The following FNDC3B variants were observed in gnomAD, a reference collection of about 807,000 sequenced individuals.
The protein encoded by FNDC3B is fibronectin type III domain containing 3B, also known as fibronectin type III domain-containing protein 3B.
A neutral mutation model predicts 151.5 loss-of-function variants in FNDC3B; 12 were observed. The observed-to-expected ratio is 0.08, with a 90% CI of 0.05 to 0.13. The LOEUF is 0.13. FNDC3B is among the 10% of genes least tolerant of loss of function. The probability of loss-of-function intolerance (pLI) is 1.00; values close to 1 mark genes in which losing one functional copy is unlikely to be tolerated. For missense variants in FNDC3B, 1,214 were observed against 1,505.3 expected (o/e 0.81, Z 3.20); for synonymous variants, 528 against 549.0 (o/e 0.96, Z 0.54).
At chr3:172,070,243 G>A (rs574926907) in intron 1 of FNDC3B, among the ~76,000 whole-genome samples, 9 of 152,288 alleles carry the variant, frequency 5.9e-5, no homozygotes, top group Admixed American at 2.0e-4. Flanking sequence ...TCCTGTTACC[G>A]TAACTGCAAT....
chr3:172,257,413 G>A (rs764352017), intron 6 of FNDC3B, among the ~76,000 whole-genome samples: 7 of 152,098 alleles, frequency 4.6e-5, no homozygotes, highest in Non-Finnish European at 8.8e-5. Context: ...TCACTAAGCC[G>A]TGGTTTCCCT....
At chr3:172,362,940 C>A in intron 23 of FNDC3B, 95 bp downstream of exon 23, 1 of 948,908 alleles carries the variant, frequency 1.1e-6, no homozygotes. Flanking sequence ...GCACTAAGAC[C>A]CTCTTCCTTC....
chr3:172,396,198 A>AG (rs1736269544), intron 25 of FNDC3B, among the ~76,000 whole-genome samples: 1 of 152,244 alleles, frequency 6.6e-6, no homozygotes, highest in Non-Finnish European at 1.5e-5. Context: ...ATAAGGAACT[A>AG]CTACCGAATA....
At chr3:172,077,435 G>A (rs1425114404) in intron 1 of FNDC3B, among the ~76,000 whole-genome samples, 3 of 152,104 alleles carry the variant, frequency 2.0e-5, no homozygotes, top group East Asian at 1.9e-4. Context: ...TTGATCCAGC[G>A]GTGTGAAAAT....
At chr3:172,136,474 T>C (rs1363658855) in intron 3 of FNDC3B, among the ~76,000 whole-genome samples, 1 of 152,112 alleles carries the variant, frequency 6.6e-6, no homozygotes, top group Non-Finnish European at 1.5e-5. Flanking sequence ...GGCTTCCAGC[T>C]CCAGCTCCAG....
At chr3:172,144,729 AT>A (rs975079007) in intron 3 of FNDC3B, among the ~76,000 whole-genome samples, 1 of 150,742 alleles carries the variant, frequency 6.6e-6, no homozygotes, top group African/African-American at 2.4e-5. Flanking sequence ...TTAAGTGGGT[AT>A]TTTTTTCCTT....
intron 22 of FNDC3B, among the ~76,000 whole-genome samples, chr3:172,359,825 T>C (rs1036956106): frequency 9.9e-5 from 15 of 152,194 alleles, no homozygotes; most frequent in African/African-American, 3.4e-4. Flanking sequence ...CCCAGTGTAA[T>C]AGAATCTGGG....
At chr3:172,046,132 A>G (rs907318965) in intron 1 of FNDC3B, among the ~76,000 whole-genome samples, 8 of 152,116 alleles carry the variant, frequency 5.3e-5, no homozygotes, top group African/African-American at 1.7e-4. Context: ...ATCACATAAG[A>G]TCGATAGACA....
chr3:172,072,694 A>C (rs142977930), intron 1 of FNDC3B, among the ~76,000 whole-genome samples: 1 of 152,194 alleles, frequency 6.6e-6, no homozygotes, highest in African/African-American at 2.4e-5. Context: ...GCGTGATGAT[A>C]AGATAGTAAA....
At chr3:172,338,819 C>T (rs1414505015) in intron 16 of FNDC3B, among the ~76,000 whole-genome samples, 2 of 152,282 alleles carry the variant, frequency 1.3e-5, no homozygotes, top group African/African-American at 4.8e-5. Context: ...TCACTGCAAG[C>T]TCCGCCTCCT....
At chr3:172,193,946 C>T (rs1724691123) in intron 3 of FNDC3B, among the ~76,000 whole-genome samples, 1 of 152,066 alleles carries the variant, frequency 6.6e-6, no homozygotes, top group Admixed American at 6.5e-5. Flanking sequence ...GGTGGTCGGG[C>T]GTGGTGGCTC....
chr3:172,116,284 C>T (rs932225673), intron 2 of FNDC3B, among the ~76,000 whole-genome samples: 7 of 152,218 alleles, frequency 4.6e-5, no homozygotes, highest in Non-Finnish European at 5.9e-5. Context: ...ATTCACATGT[C>T]ATACCATTCA....
At chr3:172,126,032 C>T (rs1209374015) in intron 2 of FNDC3B, among the ~76,000 whole-genome samples, 1 of 152,088 alleles carries the variant, frequency 6.6e-6, no homozygotes, top group Non-Finnish European at 1.5e-5. Context: ...TGCAGAATAT[C>T]GTTTTGGAGG....
At chr3:172,185,682 G>A (rs1420309684) in intron 3 of FNDC3B, among the ~76,000 whole-genome samples, 2 of 152,130 alleles carry the variant, frequency 1.3e-5, no homozygotes, top group Admixed American at 1.3e-4. Flanking sequence ...TTTAGCGTAC[G>A]TTTATCATAG....
intron 1 of FNDC3B, among the ~76,000 whole-genome samples, chr3:172,074,363 AGAT>A: frequency 6.6e-6 from 1 of 152,370 alleles, no homozygotes; most frequent in Non-Finnish European, 1.5e-5. Flanking sequence ...GCCTGTACAC[AGAT>A]ACATAGAGCA....
chr3:172,396,999 A>G (rs1461507015), intron 25 of FNDC3B, among the ~76,000 whole-genome samples, 165 bp from the exon 26 acceptor site: 3 of 152,192 alleles, frequency 2.0e-5, no homozygotes, highest in Non-Finnish European at 2.9e-5. Flanking sequence ...TACCCTTTTT[A>G]TGGTTGGAAT....
intron 3 of FNDC3B, among the ~76,000 whole-genome samples, chr3:172,189,554 T>A (rs921642938): frequency 2.6e-5 from 4 of 152,326 alleles, no homozygotes; most frequent in South Asian, 4.1e-4. Flanking sequence ...AATTTTTTTT[T>A]ATTTTAAATC....
intron 1 of FNDC3B, among the ~76,000 whole-genome samples, chr3:172,058,311 T>G (rs934241762): frequency 5.3e-5 from 8 of 152,320 alleles, no homozygotes; most frequent in African/African-American, 4.8e-5. Flanking sequence ...AAGAAAATAT[T>G]ATTAGTGTTA....
chr3:172,121,359 A>G (rs970912688), intron 2 of FNDC3B, among the ~76,000 whole-genome samples: 4 of 152,162 alleles, frequency 2.6e-5, no homozygotes, highest in African/African-American at 9.7e-5. Context: ...TGCTTTGTAG[A>G]AGGATTTCAA....
Sources: allele counts gnomAD v4.1 joint callset (sites outside exome capture counted in the v4.1 genomes callset), GRCh38; gene constraint gnomAD v4.1.1; transcripts MANE v1.5; gene names NCBI Gene and HGNC (gene_info 2026-07-23, HGNC 2026-07-21).